Variants in TMTC2 observed in about 807,000 individuals in gnomAD.
TMTC2 encodes transmembrane O-mannosyltransferase targeting cadherins 2.
In TMTC2, 43 loss-of-function variants were observed where a neutral mutation model predicts 82.4. The ratio of observed to expected loss-of-function variants is 0.52; its 90% CI spans 0.41 to 0.67. The LOEUF (loss-of-function observed/expected upper bound fraction) is 0.67. Ranked by LOEUF, TMTC2 falls within the 30% of genes least tolerant of loss-of-function variation. The pLI is 0.00. For missense variants in TMTC2, 919 were observed against 1,012.4 expected, an observed-to-expected ratio of 0.91 and a Z score of 1.25; for synonymous variants, 408 against 381.9, an observed-to-expected ratio of 1.07 and a Z score of -0.80.
Position 83,042,028 on chromosome 12 carries a change from A to G in TMTC2, c.2153-8876A>G, listed in dbSNP as rs898837791. 2.6e-5 allele frequency among the ~76,000 whole-genome samples: 4 copies of G among 152,188 alleles called. No individual in the cohort carries two copies. The South Asian group carries it at 8.3e-4, about 32-fold the overall frequency. ...ATCCACTTTGAGGTTCTTGTTTGCA[A>G]TTTATTCTTCTGCCTTAATTAAAAC... On this transcript the variant is annotated intron_variant, in intron 9 of 11. Transcript: ENST00000321196.
At chr12:82,862,536 G>A (rs1249127580) in intron 2 of TMTC2, among the ~76,000 whole-genome samples, 1 of 152,072 alleles carries the variant, frequency 6.6e-6, no homozygotes, top group Admixed American at 6.5e-5. Flanking sequence ...TGATTACCTT[G>A]GTTTTGCTAA....
intron 1 of TMTC2, among the ~76,000 whole-genome samples, chr12:82,829,511 T>C (rs1869636251): frequency 6.6e-6 from 1 of 152,140 alleles, no homozygotes; most frequent in African/African-American, 2.4e-5. Flanking sequence ...TGTGAATATC[T>C]TAAAAATATT....
chr12:82,852,779 A>C (rs57584362), intron 1 of TMTC2, among the ~76,000 whole-genome samples: 6,041 of 152,214 alleles, frequency 0.04, 387 homozygotes, highest in African/African-American at 0.14. Flanking sequence ...AGATTCTATT[A>C]AGGCCCTGTT....
intron 8 of TMTC2, among the ~76,000 whole-genome samples, chr12:82,998,866 T>C (rs1277794776): frequency 6.6e-6 from 1 of 152,218 alleles, no homozygotes; most frequent in Non-Finnish European, 1.5e-5. Context: ...TTTATGGCAC[T>C]TCTGATAGAC....
At chr12:82,736,087 A>G (rs1474108496) in intron 1 of TMTC2, among the ~76,000 whole-genome samples, 3 of 152,160 alleles carry the variant, frequency 2.0e-5, no homozygotes, top group Non-Finnish European at 4.4e-5. Context: ...TGGTTGCTTG[A>G]TAGAAGACTT....
intron 2 of TMTC2, among the ~76,000 whole-genome samples, chr12:82,891,585 G>T (rs1379804751): frequency 6.6e-6 from 1 of 152,150 alleles, no homozygotes; most frequent in Non-Finnish European, 1.5e-5. Flanking sequence ...TGGGATTACA[G>T]GTGTGAGCCA....
intron 11 of TMTC2, among the ~76,000 whole-genome samples, chr12:83,071,761 A>G (rs1301963609): frequency 6.6e-6 from 1 of 151,976 alleles, no homozygotes; most frequent in African/African-American, 2.4e-5. Flanking sequence ...GAATTTATCC[A>G]TCTCTTCTAG....
At chr12:82,981,388 C>G (rs1403588967) in intron 7 of TMTC2, among the ~76,000 whole-genome samples, 2 of 151,750 alleles carry the variant, frequency 1.3e-5, no homozygotes, top group Non-Finnish European at 3.0e-5. Flanking sequence ...TTATTTAGAC[C>G]TGGGGCTTTT....
At chr12:82,967,232 G>A (rs1422056035) in intron 7 of TMTC2, among the ~76,000 whole-genome samples, 1 of 151,846 alleles carries the variant, frequency 6.6e-6, no homozygotes, top group East Asian at 1.9e-4. Flanking sequence ...TTATTGCAAG[G>A]GACTCTCAAA....
chr12:82,742,040 C>A (rs1288541153), intron 1 of TMTC2, among the ~76,000 whole-genome samples: 1 of 152,180 alleles, frequency 6.6e-6, no homozygotes, highest in African/African-American at 2.4e-5. Context: ...ATGTCCCCTA[C>A]TGGAGCCCAT....
At chr12:82,975,202 A>C (rs1326266998) in intron 7 of TMTC2, among the ~76,000 whole-genome samples, 1 of 152,142 alleles carries the variant, frequency 6.6e-6, no homozygotes, top group Admixed American at 6.6e-5. Flanking sequence ...GCCTTAACGC[A>C]TGAAATATAA....
intron 1 of TMTC2, among the ~76,000 whole-genome samples, chr12:82,847,926 C>G (rs1321155488): frequency 2.0e-5 from 3 of 151,862 alleles, no homozygotes; most frequent in Non-Finnish European, 4.4e-5. Context: ...GCACATGTAC[C>G]CTAGAACTTA....
chr12:83,119,148 T>C (rs1473662559), intron 11 of TMTC2, among the ~76,000 whole-genome samples: 1 of 152,162 alleles, frequency 6.6e-6, no homozygotes, highest in African/African-American at 2.4e-5. Flanking sequence ...CAATTTCATT[T>C]AGTTCTGCTC....
chr12:82,969,017 G>A (rs1339838288), intron 7 of TMTC2, among the ~76,000 whole-genome samples: 2 of 152,034 alleles, frequency 1.3e-5, no homozygotes, highest in Non-Finnish European at 2.9e-5. Context: ...AGTTATTCGG[G>A]AAACTATAAT....
chr12:82,896,537 T>C lies in TMTC2; in HGVS notation c.1374T>C (p.Ala458=), dbSNP rs1183665136. ...KRFLKSLIFY[A]TATLIVFYGL... The stretch of plus-strand genomic sequence containing the variant: ...TCCTCAAGAGCTTGATTTTTTATGC[T>C]ACAGCTACACTAATTGTTTTTTATG... Residue 458 remains alanine (A), a synonymous_variant, in exon 3 of 12, where the codon GCT becomes GCC. Coordinates refer to ENST00000321196, the MANE Select transcript of TMTC2 (RefSeq NM_152588.3). The C allele has an allele frequency of 8.7e-6, 14 of 1,614,062 alleles. No individual in the cohort carries two copies. Among genetic ancestry groups the C allele is most frequent in the South Asian group, 1.1e-5 (1 of 91,088 alleles).
intron 11 of TMTC2, among the ~76,000 whole-genome samples, chr12:83,123,005 G>A (rs1309885642): frequency 1.3e-5 from 2 of 152,174 alleles, no homozygotes; most frequent in Non-Finnish European, 2.9e-5. Context: ...GCACTTTAAA[G>A]TCTGTTAGAA....
At chr12:83,124,440 C>T (rs1885044686) in intron 11 of TMTC2, among the ~76,000 whole-genome samples, 1 of 152,014 alleles carries the variant, frequency 6.6e-6, no homozygotes, top group Non-Finnish European at 1.5e-5. Context: ...CATCTTCCAG[C>T]AAAGAAGATA....
chr12:83,059,502 G>A (rs1465016314), intron 10 of TMTC2, among the ~76,000 whole-genome samples: 1 of 151,700 alleles, frequency 6.6e-6, no homozygotes, highest in Non-Finnish European at 1.5e-5. Context: ...AATATTAGAA[G>A]CAAGGTCCTA....
chr12:82,687,704 G>C, intron 1 of TMTC2, 35 bp downstream of exon 1: 1 of 1,576,238 alleles, frequency 6.3e-7, no homozygotes, highest in Non-Finnish European at 8.6e-7. Flanking sequence ...ACGGGCTGCA[G>C]GGGGCACACT....
Sources: allele counts gnomAD v4.1 joint callset (sites outside exome capture counted in the v4.1 genomes callset), GRCh38; gene constraint gnomAD v4.1.1; transcripts MANE v1.5; gene names NCBI Gene and HGNC (gene_info 2026-07-23, HGNC 2026-07-21).